The following NCK2 variants were observed in gnomAD, a reference collection of about 807,000 sequenced individuals.
NCK2 encodes NCK adaptor protein 2.
In NCK2, 16 loss-of-function variants were observed where a neutral mutation model predicts 33.9. The ratio of observed to expected loss-of-function variants is 0.47; its 90% CI spans 0.32 to 0.72. The LOEUF is 0.72. Ranked by LOEUF, NCK2 falls within the 30% of genes least tolerant of loss-of-function variation. NCK2 has a pLI of 0.03. For synonymous variants in NCK2, 273 were observed against 239.9 expected (o/e 1.14, Z -1.27); for missense variants, 418 against 537.3 (o/e 0.78, Z 2.19).
intron 1 of NCK2, among the ~76,000 whole-genome samples, chr2:105,790,620 A>T (rs1169851885): frequency 6.6e-6 from 1 of 152,192 alleles, no homozygotes; most frequent in Non-Finnish European, 1.5e-5. Flanking sequence ...ATCTTACTGC[A>T]TCCCCCGCAC....
intron 4 of NCK2, 46 bp downstream of exon 4, chr2:105,882,095 C>T (rs1029716627): frequency 4.8e-6 from 7 of 1,467,594 alleles, no homozygotes; most frequent in Admixed American, 2.6e-5. Flanking sequence ...AGTAAATGCG[C>T]CTTGCGCGGT....
chr2:105,850,829 A>G (rs1424732416), intron 2 of NCK2, among the ~76,000 whole-genome samples: 1 of 152,126 alleles, frequency 6.6e-6, no homozygotes, highest in African/African-American at 2.4e-5. Context: ...GTCAGTTTGT[A>G]TGTCTAATTT....
intron 2 of NCK2, among the ~76,000 whole-genome samples, chr2:105,823,932 G>C (rs893803433): frequency 6.6e-6 from 1 of 152,004 alleles, no homozygotes; most frequent in African/African-American, 2.4e-5. Context: ...GGTCTACCCA[G>C]GTCACAGTGT....
intron 1 of NCK2, among the ~76,000 whole-genome samples, chr2:105,750,719 A>G (rs1689429837): frequency 6.6e-6 from 1 of 152,230 alleles, no homozygotes; most frequent in South Asian, 2.1e-4. Context: ...ATTTATGGAA[A>G]CTTCTCTTCA....
Position 105,792,603 on chromosome 2 carries a change from G to GT in NCK2, c.-200-23816dup, listed in dbSNP as rs796296703. ...TCTATTGATTTGTCCAAACTCGTTT[G>GT]TTTTTTTTTTTCCACCTTCCCCATG... On this transcript the variant is annotated intron_variant, in intron 1 of 4. Coordinates refer to ENST00000233154, the MANE Select transcript of NCK2 (RefSeq NM_003581.5). Among the ~76,000 whole-genome samples, 322 of 146,634 alleles carry GT rather than the reference G, an allele frequency of 2.2e-3. 1 individual carries two copies. Among genetic ancestry groups the GT allele is most frequent in the East Asian group, 0.01 (51 of 5,044 alleles).
intron 1 of NCK2, among the ~76,000 whole-genome samples, chr2:105,805,205 G>T (rs1052204966): frequency 6.6e-6 from 1 of 152,212 alleles, no homozygotes; most frequent in Non-Finnish European, 1.5e-5. Context: ...TGAATGGTGA[G>T]TTGGATTTGA....
At chr2:105,850,725 T>C (rs1444716589) in intron 2 of NCK2, among the ~76,000 whole-genome samples, 2 of 152,224 alleles carry the variant, frequency 1.3e-5, no homozygotes, top group Non-Finnish European at 2.9e-5. Flanking sequence ...TAAATCAGAA[T>C]ACCATCTCTG....
intron 1 of NCK2, among the ~76,000 whole-genome samples, chr2:105,780,384 C>A (rs1690453638): frequency 6.6e-6 from 1 of 151,960 alleles, no homozygotes. Flanking sequence ...AGGACACACA[C>A]ACATACTCTC....
chr2:105,815,567 C>G (rs1244935848), intron 1 of NCK2, among the ~76,000 whole-genome samples: 1 of 152,178 alleles, frequency 6.6e-6, no homozygotes, highest in Admixed American at 6.5e-5. Flanking sequence ...AAATACTTAC[C>G]AAGTGCAGTG....
At chr2:105,766,291 T>C (rs1689946498) in intron 1 of NCK2, among the ~76,000 whole-genome samples, 1 of 152,160 alleles carries the variant, frequency 6.6e-6, no homozygotes, top group African/African-American at 2.4e-5. Context: ...CTGATGTATT[T>C]CTTTCTCCTT....
intron 1 of NCK2, among the ~76,000 whole-genome samples, chr2:105,763,736 AT>A (rs1229285088): frequency 6.6e-6 from 1 of 152,202 alleles, no homozygotes; most frequent in Admixed American, 6.5e-5. Flanking sequence ...TGACTTTCTG[AT>A]TCTCAGCCGT....
At chr2:105,746,668 T>C (rs1197487287) in intron 1 of NCK2, among the ~76,000 whole-genome samples, 1 of 152,240 alleles carries the variant, frequency 6.6e-6, no homozygotes, top group Non-Finnish European at 1.5e-5. Flanking sequence ...GAGATTGGGC[T>C]AGACATGGAG....
intron 4 of NCK2, among the ~76,000 whole-genome samples, chr2:105,887,018 G>A (rs894864928): frequency 1.3e-5 from 2 of 152,208 alleles, no homozygotes; most frequent in African/African-American, 4.8e-5. Flanking sequence ...AATAGGAAAA[G>A]CTGGTGAGAC....
intron 1 of NCK2, among the ~76,000 whole-genome samples, chr2:105,760,032 C>T (rs1689719309): frequency 6.6e-6 from 1 of 152,148 alleles, no homozygotes; most frequent in African/African-American, 2.4e-5. Context: ...TCAAGTGACT[C>T]CACTGTCAAG....
chr2:105,830,670 GGTGTGT>G (rs56220635), intron 2 of NCK2, among the ~76,000 whole-genome samples: 1,121 of 98,976 alleles, frequency 0.011, 5 homozygotes, highest in South Asian at 0.033. Context: ...CCAGGAATTT[GGTGTGT>G]GTGTGTGTGT....
At chr2:105,774,183 A>G (rs993269995) in intron 1 of NCK2, among the ~76,000 whole-genome samples, 1 of 151,706 alleles carries the variant, frequency 6.6e-6, no homozygotes, top group Non-Finnish European at 1.5e-5. Context: ...TAATTTTTGT[A>G]TTTTTAGTAG....
chr2:105,744,879 G>GCCC (rs1689213753), upstream of NCK2: 1 of 160,930 alleles, frequency 6.2e-6, no homozygotes, highest in African/African-American at 2.4e-5. Context: ...CGCCGCCGCC[G>GCCC]CCGCCGCCGC....
intron 1 of NCK2, among the ~76,000 whole-genome samples, chr2:105,763,246 A>G (rs944776523): frequency 5.3e-5 from 8 of 152,184 alleles, no homozygotes; most frequent in Non-Finnish European, 8.8e-5. Flanking sequence ...CCTAGCCCTC[A>G]CCATTCTGCC....
intron 3 of NCK2, among the ~76,000 whole-genome samples, chr2:105,871,650 AC>A (rs1261866064): frequency 1.3e-5 from 2 of 151,762 alleles, no homozygotes; most frequent in South Asian, 2.1e-4. Context: ...ATGCCACCAC[AC>A]CCAGCTAATT....
Sources: allele counts gnomAD v4.1 joint callset (sites outside exome capture counted in the v4.1 genomes callset), GRCh38; gene constraint gnomAD v4.1.1; transcripts MANE v1.5; gene names NCBI Gene and HGNC (gene_info 2026-07-23, HGNC 2026-07-21).